The following HLA-DQA1 variants were observed in gnomAD, a reference collection of about 807,000 sequenced individuals.
HLA-DQA1 encodes HLA class II histocompatibility antigen, DQ alpha 1 chain.
Under a neutral mutation model 20.7 loss-of-function variants are expected in HLA-DQA1, and 10 were observed. The ratio of observed to expected loss-of-function variants is 0.48; its 90% CI spans 0.30 to 0.82. The LOEUF (loss-of-function observed/expected upper bound fraction) is 0.82, where lower values mean the gene tolerates loss of function less well. HLA-DQA1 is among the 40% of genes least tolerant of loss of function. HLA-DQA1 has a pLI of 0.07. For missense variants in HLA-DQA1, 127 were observed against 293.0 expected (o/e 0.43, Z 4.14); for synonymous variants, 39 against 109.2 (o/e 0.36, Z 4.01).
In HLA-DQA1 at chr6:32,637,420, G is replaced by A. The variant is rs3207966; in HGVS notation, c.-39G>A. The A allele has an allele frequency of 6.7e-3, 6,235 of 927,356 alleles. 440 individuals are homozygous for A. Among genetic ancestry groups the A allele is most frequent in the Admixed American group, 0.025 (792 of 32,002 alleles). The allele number at this position is 927,356 out of a possible 1,614,324, so 57.4% of individuals were successfully genotyped here. A position where few individuals can be genotyped will look rare whatever the true frequency, so the allele number is the denominator to read the frequency against. On this transcript the variant is annotated 5_prime_UTR_variant, in exon 1 of 5. Transcript: ENST00000343139. ...TTGAGGTCCTCACAATTACTCTACA[G>A]CTCAGAACACCAACTGCTGAGGCTG...
At chr6:32,641,894 G>A (rs9272736) in intron 2 of HLA-DQA1, 78 bp from the exon 3 acceptor site, 47,490 of 777,862 alleles carry the variant, frequency 0.061, 8,364 homozygotes, top group Middle Eastern at 0.093. Flanking sequence ...GCTGGTAGGA[G>A]GGCTCTTCCA....
chr6:32,639,304 A>G (rs1781180562), intron 1 of HLA-DQA1: 1 of 133,382 alleles, frequency 7.5e-6, no homozygotes, highest in Non-Finnish European at 1.6e-5. Flanking sequence ...CTTTTAATTC[A>G]GCCTAGATTA....
intron 1 of HLA-DQA1, among the ~76,000 whole-genome samples, chr6:32,640,788 A>G (rs1176207895): frequency 2.6e-5 from 2 of 77,566 alleles, no homozygotes; most frequent in Non-Finnish European, 5.2e-5. Context: ...TTTTAAATTA[A>G]TAAGATCCTG....
At position 32,641,542 on chromosome 6, in the gene HLA-DQA1, T is replaced by C. The variant is rs1171519923; in HGVS notation, c.315T>C (p.Ser105=). 9.7e-7 allele frequency: 1 copy of C among 1,028,214 alleles called. No homozygotes were observed. Among genetic ancestry groups the C allele is most frequent in the Non-Finnish European group, 1.3e-6 (1 of 746,522 alleles). The allele number at this position is 1,028,214 out of a possible 1,614,324, so 63.7% of individuals were successfully genotyped here. ...ACATCATGATTAAACGCTACAACTC[T>C]ACCGCTGCTACCAATGGTATGCGTC... ...NLNIMIKRYN[S]TAATNEVPEV... The change falls in exon 2 of 5, where the codon TCT becomes TCC. Residue 105 remains serine (S), a synonymous_variant. Transcript: ENST00000343139.
chr6:32,653,749 G>C, the HLA-DQA1 span, among the ~76,000 whole-genome samples: 1,440 of 81,400 alleles, frequency 0.018, 83 homozygotes, highest in Admixed American at 0.021. Flanking sequence ...CAACCTAAGT[G>C]TCCATCAGCA....
rs9272940 is a variant in HLA-DQA1 at position 32,643,304 on chromosome 6, A to C, written c.*373A>C. 21,566 of 269,468 alleles carry C rather than the reference A, an allele frequency of 0.08. 4,090 individuals are homozygous for C. The highest frequency in any genetic ancestry group is 0.11 in the African/African-American group (4,447 of 40,156). The allele number at this position is 269,468 out of a possible 1,614,324, so 16.7% of individuals were successfully genotyped here. ...CATCTTTCATCCAGGGCTGACTGAA[A>C]CTATGGCTAATAATTGGGGTACTCT... On this transcript the variant is annotated 3_prime_UTR_variant, in exon 5 of 5. Transcript: ENST00000343139.
chr6:32,655,121 C>T, the HLA-DQA1 span, among the ~76,000 whole-genome samples: 1 of 131,756 alleles, frequency 7.6e-6, no homozygotes, highest in African/African-American at 2.8e-5. Context: ...GTTAATTAGC[C>T]TGGTTTAATC....
chr6:32,650,844 T>TATG (rs1318486245), downstream of HLA-DQA1, among the ~76,000 whole-genome samples: 6 of 63,602 alleles, frequency 9.4e-5, 2 homozygotes, highest in East Asian at 1.0e-3. Context: ...GAGCTTAAAG[T>TATG]ATAATAATAA....
At position 32,637,626 on chromosome 6, in the gene HLA-DQA1, T is replaced by C. The variant is rs1780975110; in HGVS notation, c.82+86T>C. Reference sequence around the variant, plus strand: ...GATAAAGCGATTTGCAGAGAAACTGTAGAGATTTCCTAAGGGCCCTTTCAG... The same window carrying C: ...GATAAAGCGATTTGCAGAGAAACTGCAGAGATTTCCTAAGGGCCCTTTCAG... On this transcript the variant is annotated intron_variant, in intron 1 of 4. Coordinates refer to ENST00000343139, the MANE Select transcript of HLA-DQA1 (RefSeq NM_002122.5). 4.7e-5 allele frequency: 30 copies of C among 638,160 alleles called. 8 individuals are homozygous for C. In the South Asian group the frequency reaches 5.2e-4, roughly 11 times the overall value. The allele number at this position is 638,160 out of a possible 1,614,324, so 39.5% of individuals were successfully genotyped here.
Position 32,642,813 on chromosome 6 carries a change from C to A in HLA-DQA1, c.*20+29C>A. ...AGATTGAGACTGGTTACAGTTGAAG[C>A]GGCAGTATGAAAGGAAGGAAAGTGG... On this transcript the variant is annotated intron_variant, in intron 4 of 4. Coordinates refer to ENST00000343139, the MANE Select transcript of HLA-DQA1 (RefSeq NM_002122.5). 2.0e-6 allele frequency: 2 copies of A among 1,011,188 alleles called. 1 individual carries two copies. The highest frequency in any genetic ancestry group is 2.8e-6 in the Non-Finnish European group (2 of 715,904). The allele number at this position is 1,011,188 out of a possible 1,614,324, so 62.6% of individuals were successfully genotyped here.
rs1175843262 is a variant in HLA-DQA1 at position 32,643,095 on chromosome 6, C to T, written c.*164C>T. On this transcript the variant is annotated 3_prime_UTR_variant, in exon 5 of 5. Coordinates refer to ENST00000343139, the MANE Select transcript of HLA-DQA1 (RefSeq NM_002122.5). ...TGGGACTTAAGCTGCTATATCCCCT[C>T]AGAGCTCACAAATGCCTTTACATTC... is the stretch of plus-strand genomic sequence containing the variant. 2.7e-6 allele frequency: 1 copy of T among 367,886 alleles called. No homozygotes were observed. The highest frequency in any genetic ancestry group is 5.2e-6 in the Non-Finnish European group (1 of 191,538). The allele number at this position is 367,886 out of a possible 1,614,324, so 22.8% of individuals were successfully genotyped here. A position where few individuals can be genotyped will look rare whatever the true frequency, so the allele number is the denominator to read the frequency against.
At chr6:32,642,856 G>C in intron 4 of HLA-DQA1, 72 bp downstream of exon 4, 1 of 937,506 alleles carries the variant, frequency 1.1e-6, no homozygotes, top group African/African-American at 1.9e-5. Flanking sequence ...TTGTGGACAT[G>C]AATGTGGTTG....
the HLA-DQA1 span, among the ~76,000 whole-genome samples, chr6:32,654,167 G>A: frequency 2.0e-5 from 2 of 98,588 alleles, no homozygotes; most frequent in African/African-American, 3.4e-5. Context: ...AGCCAGGCAT[G>A]GTGGGGCATG....
At chr6:32,637,973 T>G (rs1781012890) in intron 1 of HLA-DQA1, among the ~76,000 whole-genome samples, 1 of 113,330 alleles carries the variant, frequency 8.8e-6, no homozygotes. Context: ...ACTCTATAGA[T>G]ATTTAAAATG....
At chr6:32,651,224 T>C (rs1468157551), downstream of HLA-DQA1, among the ~76,000 whole-genome samples, 1 of 80,728 alleles carries the variant, frequency 1.2e-5, no homozygotes, top group African/African-American at 4.0e-5. Flanking sequence ...AATAATAGAA[T>C]GGTACAAAAA....
chr6:32,650,749 A>G (rs1233105184), downstream of HLA-DQA1, among the ~76,000 whole-genome samples: 3 of 91,982 alleles, frequency 3.3e-5, 1 homozygote, highest in African/African-American at 1.1e-4. Context: ...TACCTAATGT[A>G]AATTACGAGT....
chr6:32,641,304 C>T lies in HLA-DQA1; in HGVS notation c.83-6C>T, dbSNP rs776146078. ...CGCCTTCCTGCTTGTCATCTTCACTCATCAGCTGACCACGTTGCCTCTTGT... is the reference window on the plus strand; with the variant it reads ...CGCCTTCCTGCTTGTCATCTTCACTTATCAGCTGACCACGTTGCCTCTTGT... On this transcript the variant is annotated splice_region_variant and splice_polypyrimidine_tract_variant and intron_variant, in intron 1 of 4. Transcript: ENST00000343139. The T allele has an allele frequency of 2.4e-6, 3 of 1,259,420 alleles. No individual in the cohort carries two copies. The highest frequency in any genetic ancestry group is 3.0e-5 in the East Asian group (1 of 33,166). 78.0% of individuals were successfully genotyped at this position (1,259,420 alleles called of 1,614,324 possible).
rs1251531493 is a variant in HLA-DQA1 at position 32,641,120 on chromosome 6, A to G, written c.83-190A>G. ...TGTGTAGCGCACACTAGAGTGGGAA[A>G]GAAAGTGCACTTTTAACTGGACAAC... On this transcript the variant is annotated intron_variant, in intron 1 of 4. Coordinates refer to ENST00000343139, the MANE Select transcript of HLA-DQA1 (RefSeq NM_002122.5). Among the ~76,000 whole-genome samples the G allele has an allele frequency of 2.5e-5, 3 of 118,374 alleles. 1 individual carries two copies. Among genetic ancestry groups the G allele is most frequent in the African/African-American group, 9.3e-5 (3 of 32,336 alleles). 77.7% of individuals were successfully genotyped at this position (118,374 alleles called of 152,430 possible).
At chr6:32,642,322 T>A (rs776285750) in intron 3 of HLA-DQA1, 69 bp downstream of exon 3, 1 of 992,618 alleles carries the variant, frequency 1.0e-6, no homozygotes, top group South Asian at 1.3e-5. Context: ...TGCCTTTTAC[T>A]CCTATATCCA....
Sources: allele counts gnomAD v4.1 joint callset (sites outside exome capture counted in the v4.1 genomes callset), GRCh38; gene constraint gnomAD v4.1.1; transcripts MANE v1.5; gene names NCBI Gene and HGNC (gene_info 2026-07-23, HGNC 2026-07-21).